Variants in ACOT12 observed in about 807,000 individuals in gnomAD.
ACOT12 encodes acetyl-coenzyme A thioesterase.
In ACOT12, 51 loss-of-function variants were observed where a neutral mutation model predicts 67.7. The observed-to-expected ratio is 0.75, with a 90% CI of 0.60 to 0.95. ACOT12 has a LOEUF of 0.95. Among genes scored for constraint, ACOT12 ranks in the 40% least tolerant of loss-of-function variants. ACOT12 has a pLI of 0.00. For missense variants in ACOT12, 734 were observed against 708.1 expected (o/e 1.04, Z -0.41); for synonymous variants, 251 against 244.6 (o/e 1.03, Z -0.24).
chr5:81,309,268 T>C, the ACOT12 span: 1 of 381,422 alleles, frequency 2.6e-6, no homozygotes, highest in Non-Finnish European at 4.7e-6. Context: ...CCAACTGTGC[T>C]TGCTTCATCA....
chr5:81,384,887 T>C (rs1207991859), intron 2 of ACOT12, among the ~76,000 whole-genome samples: 1 of 152,202 alleles, frequency 6.6e-6, no homozygotes, highest in African/African-American at 2.4e-5. Flanking sequence ...TACACTGTAC[T>C]ATCCTCTCTT....
intron 1 of ACOT12, among the ~76,000 whole-genome samples, chr5:81,386,995 A>ATTTTTTTTTTTTTTTTT (rs869281800): frequency 3.7e-5 from 3 of 81,334 alleles, no homozygotes; most frequent in Non-Finnish European, 8.0e-5. Flanking sequence ...GATGAGTTCC[A>ATTTTTTTTTTTTTTTTT]TTTTTTTTTT....
intron 2 of ACOT12, among the ~76,000 whole-genome samples, chr5:81,375,801 T>C (rs1199266738): frequency 1.3e-5 from 2 of 152,212 alleles, no homozygotes; most frequent in Admixed American, 6.5e-5. Context: ...ATCCTAAATA[T>C]ATATGCACCC....
intron 3 of ACOT12, among the ~76,000 whole-genome samples, chr5:81,369,923 C>T (rs543938694): frequency 2.4e-4 from 37 of 152,282 alleles, no homozygotes; most frequent in South Asian, 8.3e-4. Flanking sequence ...GTTTTCTTCA[C>T]GACATTTCCT....
the ACOT12 span, among the ~76,000 whole-genome samples, chr5:81,315,565 TAATTC>T: frequency 6.6e-6 from 1 of 152,210 alleles, no homozygotes; most frequent in African/African-American, 2.4e-5. Flanking sequence ...TTGAATGAGT[TAATTC>T]AATGAGTGAT....
At chr5:81,312,406 C>T in the ACOT12 span, 1 of 648,810 alleles carries the variant, frequency 1.5e-6, no homozygotes, top group Non-Finnish European at 2.7e-6. Context: ...GAATTGCTCA[C>T]TTTCCTTTAG....
At chr5:81,365,398 T>C (rs919361794) in intron 3 of ACOT12, among the ~76,000 whole-genome samples, 1 of 152,186 alleles carries the variant, frequency 6.6e-6, no homozygotes, top group Non-Finnish European at 1.5e-5. Flanking sequence ...AATTAAACTA[T>C]CTATTCCCAA....
At chr5:81,352,647 ATATAGT>A (rs1759588504) in intron 5 of ACOT12, among the ~76,000 whole-genome samples, 1 of 152,166 alleles carries the variant, frequency 6.6e-6, no homozygotes, top group Admixed American at 6.5e-5. Context: ...GGGTACAAAA[ATATAGT>A]TAGAAAGAAT....
At chr5:81,348,828 T>G (rs989611846) in intron 5 of ACOT12, among the ~76,000 whole-genome samples, 5 of 152,218 alleles carry the variant, frequency 3.3e-5, no homozygotes, top group African/African-American at 1.2e-4. Context: ...CCTCCCAAAG[T>G]GCTGGGAATA....
At chr5:81,334,386 C>T (rs1430121395) in intron 12 of ACOT12, among the ~76,000 whole-genome samples, 1 of 152,172 alleles carries the variant, frequency 6.6e-6, no homozygotes, top group Non-Finnish European at 1.5e-5. Context: ...TAGATGCTGC[C>T]GTGGGGTCAG....
At chr5:81,332,735 A>G (rs1469040288) in intron 12 of ACOT12, 130 bp from the exon 13 acceptor site, 1 of 1,073,100 alleles carries the variant, frequency 9.3e-7, no homozygotes, top group Non-Finnish European at 1.3e-6. Flanking sequence ...TCATCTCCCT[A>G]AAAGCCAGCA....
At chr5:81,348,576 C>A (rs1561330747) in intron 5 of ACOT12, among the ~76,000 whole-genome samples, 1 of 151,334 alleles carries the variant, frequency 6.6e-6, no homozygotes, top group East Asian at 1.9e-4. Flanking sequence ...TCTGCTCTCT[C>A]TTTTTTTTTA....
intron 2 of ACOT12, among the ~76,000 whole-genome samples, chr5:81,378,230 TG>T (rs780255786): frequency 1.3e-4 from 20 of 152,154 alleles, no homozygotes; most frequent in Non-Finnish European, 2.9e-4. Context: ...AAACAAGCAA[TG>T]GAGAAAGGAT....
intron 5 of ACOT12, among the ~76,000 whole-genome samples, chr5:81,353,061 C>T (rs985448048): frequency 6.6e-6 from 1 of 152,122 alleles, no homozygotes; most frequent in African/African-American, 2.4e-5. Context: ...TTATGAGAGA[C>T]ATTGTAAAGA....
chr5:81,372,963 C>T (rs1760299891), intron 2 of ACOT12, among the ~76,000 whole-genome samples: 1 of 152,160 alleles, frequency 6.6e-6, no homozygotes, highest in African/African-American at 2.4e-5. Context: ...TAAAAAATCC[C>T]TGTCATTAAT....
At chr5:81,316,349 T>G in the ACOT12 span, among the ~76,000 whole-genome samples, 6 of 152,218 alleles carry the variant, frequency 3.9e-5, no homozygotes, top group African/African-American at 1.4e-4. Context: ...CTAATTTACC[T>G]TCTGTCTCTA....
intron 9 of ACOT12, 68 bp from the exon 10 acceptor site, chr5:81,343,949 T>C (rs937812691): frequency 1.4e-4 from 199 of 1,429,486 alleles, no homozygotes; most frequent in Non-Finnish European, 1.9e-4. Context: ...ACAATAACCA[T>C]AATACTTTCT....
intron 8 of ACOT12, among the ~76,000 whole-genome samples, chr5:81,344,673 G>C (rs188904332): frequency 2.0e-5 from 3 of 152,134 alleles, no homozygotes; most frequent in South Asian, 2.1e-4. Context: ...TGTGTAGCCC[G>C]GTAGAGGTGA....
chr5:81,381,927 T>G (rs911013390), intron 2 of ACOT12, among the ~76,000 whole-genome samples: 5 of 152,206 alleles, frequency 3.3e-5, no homozygotes, highest in African/African-American at 2.4e-5. Context: ...CCAGATGAGA[T>G]ACAGTTTGAG....
Sources: gnomAD v4.1 joint callset for allele counts (sites outside exome capture counted in the v4.1 genomes callset) on GRCh38, gnomAD v4.1.1 for gene constraint, MANE v1.5 for transcripts, NCBI Gene and HGNC (gene_info 2026-07-23, HGNC 2026-07-21) for gene names.